The following TRPC5 variants were observed in gnomAD, a reference collection of about 807,000 sequenced individuals.
The protein encoded by TRPC5 is short transient receptor potential channel 5.
In TRPC5, 9 loss-of-function variants were observed where a neutral mutation model predicts 56.5. That is an observed-to-expected ratio of 0.16 (90% CI 0.10 to 0.28). The LOEUF (loss-of-function observed/expected upper bound fraction) is 0.28. Among genes scored for constraint, TRPC5 ranks in the 10% least tolerant of loss-of-function variants. TRPC5 has a pLI of 1.00. For missense variants in TRPC5, 469 were observed against 748.9 expected (o/e 0.63, Z 4.36); for synonymous variants, 282 against 278.5 (o/e 1.01, Z -0.13).
chrX:111,882,390 G>A (rs952693662), intron 3 of TRPC5, among the ~76,000 whole-genome samples: 2 of 112,045 alleles, frequency 1.8e-5, no homozygotes, highest in African/African-American at 3.2e-5. Flanking sequence ...CCCAGAGTAC[G>A]GCCTGAAACT....
At chrX:112,030,187 A>C (rs1217022532) in intron 1 of TRPC5, among the ~76,000 whole-genome samples, 1 of 112,749 alleles carries the variant, frequency 8.9e-6, no homozygotes, top group Non-Finnish European at 1.9e-5. Flanking sequence ...ATGTGATTAA[A>C]AAGAGAGCAG....
At chrX:111,960,202 T>G (rs1309175592) in intron 1 of TRPC5, among the ~76,000 whole-genome samples, 1 of 112,137 alleles carries the variant, frequency 8.9e-6, no homozygotes, top group Non-Finnish European at 1.9e-5. Flanking sequence ...CTTCTGACTC[T>G]AAAAGGACTA....
At chrX:112,075,359 G>T (rs976102502) in intron 1 of TRPC5, among the ~76,000 whole-genome samples, 3 of 111,556 alleles carry the variant, frequency 2.7e-5, no homozygotes, top group Non-Finnish European at 5.6e-5. Context: ...GTCTGATCCT[G>T]TTTCCTCACC....
In TRPC5 at chrX:111,774,419, A is replaced by T. The variant is rs1945862635; in HGVS notation, c.*1894T>A. The T allele has an allele frequency of 8.9e-6, 1 of 112,213 alleles. No individual in the cohort carries two copies. The highest frequency in any genetic ancestry group is 1.9e-5 in the Non-Finnish European group (1 of 53,247). The allele number at this position is 112,213 out of a possible 1,213,427, so 9.2% of individuals were successfully genotyped here. A position where few individuals can be genotyped will look rare whatever the true frequency, so the allele number is the denominator to read the frequency against. ...TGTAACTTTAGAAACCTTTCTGGAA[A>T]GTAACCTGTGATTAAATGTCAAGGC... On this transcript the variant is annotated 3_prime_UTR_variant, in exon 11 of 11. Transcript: ENST00000262839.
chrX:112,028,824 A>G (rs966574100), intron 1 of TRPC5, among the ~76,000 whole-genome samples: 3 of 111,884 alleles, frequency 2.7e-5, no homozygotes, highest in Non-Finnish European at 5.6e-5. Context: ...TTGTATTTCT[A>G]GTTCTAGATC....
At chrX:111,852,969 T>C (rs1023096652) in intron 4 of TRPC5, among the ~76,000 whole-genome samples, 1 of 111,492 alleles carries the variant, frequency 9.0e-6, no homozygotes, top group Non-Finnish European at 1.9e-5. Flanking sequence ...ATGTAGAAGT[T>C]TTGTAAAATT....
Position 111,852,284 on chromosome X carries a change from A to G in TRPC5, c.1377+14T>C, listed in dbSNP as rs145016512. 1,004 of 1,203,339 alleles carry G rather than the reference A, an allele frequency of 8.3e-4. 4 individuals carry two copies. In the African/African-American group the frequency reaches 0.015, roughly 18 times the overall value. Reference sequence around the variant, plus strand: ...AATCGCTGTGTAGGAAATATGGCAGACATTCCAATTTACCTTGACATAGGC... The same window carrying G: ...AATCGCTGTGTAGGAAATATGGCAGGCATTCCAATTTACCTTGACATAGGC... On this transcript the variant is annotated intron_variant, in intron 5 of 10. Transcript: ENST00000262839.
chrX:111,865,371 G>A (rs1218099464), intron 3 of TRPC5, among the ~76,000 whole-genome samples: 3 of 102,886 alleles, frequency 2.9e-5, no homozygotes, highest in Non-Finnish European at 5.9e-5. Flanking sequence ...TCTGTCGCCA[G>A]GCTAGAGTGC....
At chrX:111,819,503 A>G (rs925040742) in intron 7 of TRPC5, among the ~76,000 whole-genome samples, 2 of 111,203 alleles carry the variant, frequency 1.8e-5, no homozygotes, top group African/African-American at 3.3e-5. Flanking sequence ...GGGAACCATA[A>G]TGTAAGAATG....
intron 1 of TRPC5, among the ~76,000 whole-genome samples, chrX:111,953,274 G>T (rs1168637417): frequency 9.0e-6 from 1 of 111,693 alleles, no homozygotes; most frequent in Admixed American, 9.5e-5. Flanking sequence ...ATAAGTGAAT[G>T]GTCTGTTTTA....
At chrX:112,081,808 C>T (rs943109047) in intron 1 of TRPC5, 71 bp downstream of exon 1, 3 of 112,427 alleles carry the variant, frequency 2.7e-5, no homozygotes, top group Admixed American at 9.4e-5. Context: ...TCAACCCGCA[C>T]TTCGCTGCCC....
intron 3 of TRPC5, among the ~76,000 whole-genome samples, chrX:111,910,634 C>T (rs1189939517): frequency 6.2e-5 from 7 of 112,378 alleles, no homozygotes; most frequent in South Asian, 3.7e-4. Context: ...CAGGTTCAAG[C>T]GATTCTCGTG....
At chrX:111,898,288 C>CGT (rs1925171830) in intron 3 of TRPC5, among the ~76,000 whole-genome samples, 1 of 92,683 alleles carries the variant, frequency 1.1e-5, no homozygotes, top group African/African-American at 5.1e-5. Flanking sequence ...GACACACACG[C>CGT]GTGTGTGCGC....
chrX:111,897,064 A>G (rs1207879807), intron 3 of TRPC5, among the ~76,000 whole-genome samples: 1 of 112,213 alleles, frequency 8.9e-6, no homozygotes, highest in Non-Finnish European at 1.9e-5. Flanking sequence ...AACATATTCT[A>G]TAAAATTACA....
At chrX:111,829,030 A>C (rs1343888349) in intron 7 of TRPC5, among the ~76,000 whole-genome samples, 1 of 111,512 alleles carries the variant, frequency 9.0e-6, no homozygotes, top group African/African-American at 3.3e-5. Flanking sequence ...TGAGCTGGGC[A>C]TGGTGGCTCA....
intron 7 of TRPC5, among the ~76,000 whole-genome samples, chrX:111,787,459 G>C (rs1032935454): frequency 9.1e-6 from 1 of 110,481 alleles, no homozygotes; most frequent in African/African-American, 3.3e-5. Flanking sequence ...AAGCAGGAAA[G>C]ATCTAAAATG....
intron 1 of TRPC5, among the ~76,000 whole-genome samples, chrX:111,980,313 G>A (rs1248003375): frequency 9.0e-6 from 1 of 111,294 alleles, no homozygotes; most frequent in African/African-American, 3.3e-5. Context: ...GTTGCCTGTG[G>A]ATGATGGGGA....
intron 1 of TRPC5, among the ~76,000 whole-genome samples, chrX:111,968,587 A>G (rs1425224370): frequency 5.8e-4 from 64 of 110,130 alleles, no homozygotes; most frequent in Admixed American, 1.9e-3. Flanking sequence ...AATGTCCAAC[A>G]ACGATAGACT....
intron 3 of TRPC5, chrX:111,902,348 C>A: frequency 5.5e-6 from 2 of 364,866 alleles, no homozygotes; most frequent in Non-Finnish European, 9.1e-6. Flanking sequence ...TTACTTCTAG[C>A]AAAAGCTGGT....
Sources: allele counts gnomAD v4.1 joint callset (sites outside exome capture counted in the v4.1 genomes callset), GRCh38; gene constraint gnomAD v4.1.1; transcripts MANE v1.5; gene names NCBI Gene and HGNC (gene_info 2026-07-23, HGNC 2026-07-21).